Variants in ATP2B2 observed in about 807,000 individuals in gnomAD.
The protein encoded by ATP2B2 is plasma membrane calcium-transporting ATPase 2.
ATP2B2 carries 15 observed loss-of-function variants against 120.0 expected under a neutral mutation model. The ratio of observed to expected loss-of-function variants is 0.12; its 90% CI spans 0.08 to 0.19. The LOEUF is 0.19. Among genes scored for constraint, ATP2B2 ranks in the 10% least tolerant of loss-of-function variants. The pLI is 1.00. For synonymous variants in ATP2B2, 694 were observed against 700.3 expected (o/e 0.99, Z 0.14); for missense variants, 1,045 against 1,719.8 (o/e 0.61, Z 6.94).
chr3:10,681,003 G>A (rs537388901), intron 1 of ATP2B2, among the ~76,000 whole-genome samples: 75 of 152,268 alleles, frequency 4.9e-4, no homozygotes, highest in African/African-American at 1.7e-3. Flanking sequence ...GCGAGATCTG[G>A]TGGTTTAAAA....
At chr3:10,360,755 G>A (rs916376948) in intron 12 of ATP2B2, among the ~76,000 whole-genome samples, 2 of 152,230 alleles carry the variant, frequency 1.3e-5, no homozygotes, top group Non-Finnish European at 2.9e-5. Flanking sequence ...CTTGTGGAGA[G>A]TTCACCGGCT....
intron 2 of ATP2B2, among the ~76,000 whole-genome samples, chr3:10,554,410 G>C (rs118111888): frequency 6.6e-6 from 1 of 152,112 alleles, no homozygotes; most frequent in Non-Finnish European, 1.5e-5. Flanking sequence ...GTGTCTCACC[G>C]CTGACTTTAA....
rs370203856 is a variant in ATP2B2, at chr3:10,474,947, C to A, written c.-319-25085G>T. ...CAGCATGTCCATGGCTCATGGTGAA[C>A]CCTCATGCATTCAGTGTCCCCATGT... is the stretch of plus-strand genomic sequence containing the variant. On this transcript the variant is annotated intron_variant, in intron 1 of 22. Coordinates refer to ENST00000360273, the MANE Select transcript of ATP2B2 (RefSeq NM_001001331.4). Among the ~76,000 whole-genome samples, 21 of 152,334 alleles carry A rather than the reference C, an allele frequency of 1.4e-4. No homozygotes were observed. In the East Asian group the frequency reaches 3.7e-3, roughly 27 times the overall value.
At chr3:10,350,800 T>C (rs2060558285) in intron 14 of ATP2B2, among the ~76,000 whole-genome samples, 1 of 152,256 alleles carries the variant, frequency 6.6e-6, no homozygotes, top group Non-Finnish European at 1.5e-5. Context: ...TAAACCCTGA[T>C]GTGGTTCTCA....
intron 3 of ATP2B2, among the ~76,000 whole-genome samples, chr3:10,522,674 C>T (rs756387992): frequency 2.6e-5 from 4 of 152,206 alleles, no homozygotes; most frequent in East Asian, 1.9e-4. Flanking sequence ...CCACACCATC[C>T]GTTTGTCTGG....
At chr3:10,564,082 C>CAA (rs1240258088) in intron 2 of ATP2B2, among the ~76,000 whole-genome samples, 1 of 152,222 alleles carries the variant, frequency 6.6e-6, no homozygotes, top group Non-Finnish European at 1.5e-5. Flanking sequence ...CTTCAGGGTA[C>CAA]AACCAGATCC....
chr3:10,453,639 C>T (rs9827446), intron 1 of ATP2B2, among the ~76,000 whole-genome samples: 2,551 of 152,264 alleles, frequency 0.017, 86 homozygotes, highest in African/African-American at 0.058. Context: ...TTTCTAAACC[C>T]GAGCTGCTGT....
At chr3:10,626,495 G>A (rs1372880810) in intron 1 of ATP2B2, 1 of 152,212 alleles carries the variant, frequency 6.6e-6, no homozygotes, top group East Asian at 1.9e-4. Context: ...CCTGGTGAAA[G>A]GATAGATGGA....
At position 10,375,818 on chromosome 3, in the gene ATP2B2, C is replaced by A. The variant is rs140794687; in HGVS notation, c.1202-174G>T. Among the ~76,000 whole-genome samples, 1 of 152,160 alleles carries A rather than the reference C, an allele frequency of 6.6e-6. No homozygotes were observed. The highest frequency in any genetic ancestry group is 1.5e-5 in the Non-Finnish European group (1 of 68,024). On this transcript the variant is annotated intron_variant, in intron 10 of 22. Transcript: ENST00000360273. The surrounding 1 kb of genome is among the most constrained non-coding windows in gnomAD (Gnocchi z 4.2). ...AAGTTCTTGAGACCTTGATCCTCAC[C>A]GAGCCTCAGTCTCCTGCTCTGTACA...
chr3:10,461,961 C>G (rs545828550), intron 1 of ATP2B2, among the ~76,000 whole-genome samples: 1 of 152,254 alleles, frequency 6.6e-6, no homozygotes, highest in Admixed American at 6.5e-5. Context: ...ACCTCCCTTC[C>G]TTCTTCCCAC....
intron 9 of ATP2B2, 111 bp downstream of exon 9, chr3:10,379,132 G>A (rs1015079273): frequency 3.9e-6 from 5 of 1,281,058 alleles, no homozygotes; most frequent in African/African-American, 3.0e-5. Flanking sequence ...ACCTGTAGGA[G>A]TGGATGTGTC....
intron 2 of ATP2B2, among the ~76,000 whole-genome samples, chr3:10,573,139 C>T (rs1042231327): frequency 1.3e-4 from 18 of 137,386 alleles, no homozygotes; most frequent in Non-Finnish European, 4.7e-5. Flanking sequence ...TTTTTAAAAT[C>T]AAGCCAAATA....
intron 3 of ATP2B2, among the ~76,000 whole-genome samples, chr3:10,526,876 G>T (rs1297918229): frequency 1.3e-5 from 2 of 152,146 alleles, no homozygotes; most frequent in Admixed American, 6.5e-5. Flanking sequence ...GATGGTGGTG[G>T]TGGTGGTGAC....
chr3:10,464,050 G>A (rs1404269385), intron 1 of ATP2B2, among the ~76,000 whole-genome samples: 2 of 152,172 alleles, frequency 1.3e-5, no homozygotes, highest in Admixed American at 6.5e-5. Flanking sequence ...TGCCCTGTGC[G>A]CATGCTGATT....
chr3:10,488,463 A>ATACCTTCC (rs2065802987), intron 1 of ATP2B2, among the ~76,000 whole-genome samples: 1 of 95,746 alleles, frequency 1.0e-5, no homozygotes, highest in Non-Finnish European at 2.1e-5. Context: ...CACCCTACAA[A>ATACCTTCC]TTCCTTCCTT....
chr3:10,459,046 C>T (rs1283184767), intron 1 of ATP2B2, among the ~76,000 whole-genome samples: 1 of 152,232 alleles, frequency 6.6e-6, no homozygotes. Context: ...CCTGCTGCTG[C>T]CTTGTGTCTA....
chr3:10,638,811 A>T (rs1385860481), intron 1 of ATP2B2, among the ~76,000 whole-genome samples: 2 of 152,252 alleles, frequency 1.3e-5, no homozygotes, highest in African/African-American at 4.8e-5. Context: ...GAGTGGCTAC[A>T]TTTATATCAA....
At chr3:10,518,242 C>T (rs1387623854) in intron 3 of ATP2B2, among the ~76,000 whole-genome samples, 2 of 152,192 alleles carry the variant, frequency 1.3e-5, no homozygotes, top group African/African-American at 4.8e-5. Flanking sequence ...TTCATAGTCA[C>T]AATATCATGG....
At chr3:10,643,533 C>T (rs548758145) in intron 1 of ATP2B2, among the ~76,000 whole-genome samples, 6 of 152,278 alleles carry the variant, frequency 3.9e-5, no homozygotes, top group African/African-American at 1.4e-4. Flanking sequence ...GTCAAAATTC[C>T]CATCTCCATT....
Sources: allele counts gnomAD v4.1 joint callset (sites outside exome capture counted in the v4.1 genomes callset), GRCh38; gene constraint gnomAD v4.1.1; non-coding constraint Gnocchi (gnomAD v3.1); transcripts MANE v1.5; gene names NCBI Gene and HGNC (gene_info 2026-07-23, HGNC 2026-07-21).